Variants in ZNF804B observed in about 807,000 individuals in gnomAD.
The protein encoded by ZNF804B is zinc finger protein 804B.
Under a neutral mutation model 101.4 loss-of-function variants are expected in ZNF804B, and 80 were observed. The observed-to-expected ratio is 0.79, with a 90% confidence interval of 0.66 to 0.95. ZNF804B has a LOEUF of 0.95. Ranked by LOEUF, ZNF804B falls within the 40% of genes least tolerant of loss-of-function variation. The pLI is 0.00. For synonymous variants in ZNF804B, 622 were observed against 558.8 expected, an observed-to-expected ratio of 1.11 and a Z score of -1.59; for missense variants, 1,673 against 1,561.9, an observed-to-expected ratio of 1.07 and a Z score of -1.20.
intron 1 of ZNF804B, among the ~76,000 whole-genome samples, chr7:89,196,870 C>T (rs943669621): frequency 2.0e-5 from 3 of 151,934 alleles, no homozygotes; most frequent in African/African-American, 7.2e-5. Flanking sequence ...TGAAAAAAAG[C>T]TCAACATCAC....
At chr7:89,131,742 T>C (rs772692138) in intron 1 of ZNF804B, among the ~76,000 whole-genome samples, 2 of 151,974 alleles carry the variant, frequency 1.3e-5, no homozygotes, top group Non-Finnish European at 2.9e-5. Context: ...TAACTGAATA[T>C]TCTATATTGT....
At chr7:89,327,714 T>C (rs1403168012) in intron 3 of ZNF804B, among the ~76,000 whole-genome samples, 2 of 152,026 alleles carry the variant, frequency 1.3e-5, no homozygotes, top group Non-Finnish European at 2.9e-5. Flanking sequence ...TCAAATACAT[T>C]AGCATTTATT....
intron 1 of ZNF804B, among the ~76,000 whole-genome samples, chr7:89,155,012 C>T (rs891569905): frequency 6.6e-6 from 1 of 151,912 alleles, no homozygotes; most frequent in Non-Finnish European, 1.5e-5. Flanking sequence ...TATGCTCCAT[C>T]AATGTATGTA....
intron 1 of ZNF804B, among the ~76,000 whole-genome samples, chr7:88,965,288 A>G (rs2116098502): frequency 6.6e-6 from 1 of 151,508 alleles, no homozygotes; most frequent in South Asian, 2.1e-4. Context: ...AGAATAGGTT[A>G]AAGAGATTCT....
intron 2 of ZNF804B, among the ~76,000 whole-genome samples, chr7:89,318,784 ACT>A (rs1186903481): frequency 6.6e-6 from 1 of 151,948 alleles, no homozygotes; most frequent in African/African-American, 2.4e-5. Context: ...ATTCGGAGAG[ACT>A]CTAACCCAGC....
At position 88,979,850 on chromosome 7, in the gene ZNF804B, A is replaced by C. The variant is rs565370188; in HGVS notation, c.108+219766A>C. 2.2e-3 allele frequency among the ~76,000 whole-genome samples: 330 copies of C among 151,090 alleles called. 2 individuals are homozygous for C. The highest frequency in any genetic ancestry group is 3.9e-3 in the Non-Finnish European group (267 of 67,764). Reference sequence around the variant, plus strand: ...TCCTCTTTAAGGCCAATAACTCTTAAATTTGCCCTTTTGAGGGTATTTTAT... The same window carrying C: ...TCCTCTTTAAGGCCAATAACTCTTACATTTGCCCTTTTGAGGGTATTTTAT... On this transcript the variant is annotated intron_variant, in intron 1 of 3. Coordinates refer to ENST00000333190, the MANE Select transcript of ZNF804B (RefSeq NM_181646.5).
At chr7:88,772,142 GTTC>G (rs1311910259) in intron 1 of ZNF804B, among the ~76,000 whole-genome samples, 2 of 152,124 alleles carry the variant, frequency 1.3e-5, no homozygotes, top group Non-Finnish European at 1.5e-5. Context: ...TACGTTTAAT[GTTC>G]TTCTTTCAGT....
intron 2 of ZNF804B, among the ~76,000 whole-genome samples, chr7:89,262,413 A>G (rs1163022018): frequency 6.6e-6 from 1 of 152,072 alleles, no homozygotes; most frequent in Non-Finnish European, 1.5e-5. Flanking sequence ...TGGCTTCTCT[A>G]TTTATTAGCT....
intron 1 of ZNF804B, among the ~76,000 whole-genome samples, chr7:88,877,028 T>TATATATATATATATATATATA (rs1791957407): frequency 3.6e-4 from 13 of 36,312 alleles, no homozygotes; most frequent in African/African-American, 1.7e-3. Context: ...ATATATATAA[T>TATATATATATATATATATATA]ATATATATAT....
intron 1 of ZNF804B, among the ~76,000 whole-genome samples, chr7:89,050,025 A>G (rs979294660): frequency 6.6e-6 from 1 of 152,130 alleles, no homozygotes; most frequent in Non-Finnish European, 1.5e-5. Context: ...ACAAAAACGA[A>G]AACAAAAAAT....
intron 1 of ZNF804B, among the ~76,000 whole-genome samples, chr7:89,192,979 G>T (rs976994192): frequency 4.6e-5 from 7 of 151,966 alleles, no homozygotes; most frequent in African/African-American, 1.7e-4. Flanking sequence ...AATAAACTAG[G>T]TATTGAAGGA....
intron 1 of ZNF804B, among the ~76,000 whole-genome samples, chr7:88,927,300 A>G (rs1792818530): frequency 6.6e-6 from 1 of 152,200 alleles, no homozygotes; most frequent in Non-Finnish European, 1.5e-5. Context: ...AGATAATCAG[A>G]TACATTTCTG....
At chr7:88,880,424 T>C (rs1265032868) in intron 1 of ZNF804B, among the ~76,000 whole-genome samples, 1 of 152,108 alleles carries the variant, frequency 6.6e-6, no homozygotes, top group Non-Finnish European at 1.5e-5. Context: ...CTAATTTCTA[T>C]TTTTTCCCAA....
intron 1 of ZNF804B, among the ~76,000 whole-genome samples, chr7:89,191,393 GATAAGTGGCC>G (rs1788453565): frequency 1.3e-5 from 2 of 152,104 alleles, no homozygotes; most frequent in South Asian, 4.1e-4. Flanking sequence ...AGCAGCAACT[GATAAGTGGCC>G]ATAAGGTGCA....
At chr7:88,861,772 A>G (rs1055284870) in intron 1 of ZNF804B, among the ~76,000 whole-genome samples, 5 of 152,218 alleles carry the variant, frequency 3.3e-5, no homozygotes, top group African/African-American at 1.2e-4. Context: ...TTATTCTTAC[A>G]GGAATCTGAG....
rs770494968 is a variant in ZNF804B, at chr7:89,334,002, C to A, written c.1020C>A (p.Ser340Arg). 8.7e-6 allele frequency: 14 copies of A among 1,613,218 alleles called. No homozygotes were observed. The highest frequency in any genetic ancestry group is 1.3e-5 in the African/African-American group (1 of 74,828). Residue 340 changes from serine to arginine, a missense_variant, in exon 4 of 4, where the codon AGC (serine) becomes AGA (arginine). Physicochemically the swap from Ser to Arg is moderately radical, Grantham distance 110. Coordinates refer to ENST00000333190, the MANE Select transcript of ZNF804B (RefSeq NM_181646.5). ...CAGATGTAGATTTTACTCCTACCAG[C>A]AGAGAAAAAGAAACTAGAAATACAT... is the stretch of plus-strand genomic sequence containing the variant. ...HLSDVDFTPT[S>R]REKETRNTLK...
intron 1 of ZNF804B, among the ~76,000 whole-genome samples, chr7:89,136,328 T>G (rs922726696): frequency 1.3e-5 from 2 of 152,066 alleles, no homozygotes; most frequent in Non-Finnish European, 1.5e-5. Context: ...TGTATTTTTT[T>G]GGGGGGGTCT....
At chr7:88,977,883 T>C (rs1196428636) in intron 1 of ZNF804B, among the ~76,000 whole-genome samples, 2 of 151,690 alleles carry the variant, frequency 1.3e-5, no homozygotes, top group Non-Finnish European at 1.5e-5. Flanking sequence ...CAAACTTTCC[T>C]CCTAATGCTG....
chr7:89,201,070 T>A (rs1299681839), intron 1 of ZNF804B, among the ~76,000 whole-genome samples: 2 of 152,024 alleles, frequency 1.3e-5, no homozygotes, highest in African/African-American at 4.8e-5. Flanking sequence ...TTTATTTAGA[T>A]TTTTTAAGAT....
Sources: allele counts gnomAD v4.1 joint callset (sites outside exome capture counted in the v4.1 genomes callset), GRCh38; gene constraint gnomAD v4.1.1; transcripts MANE v1.5; gene names NCBI Gene and HGNC (gene_info 2026-07-23, HGNC 2026-07-21).